STK32C: variants seen among roughly 807,000 people sequenced by gnomAD.
The protein encoded by STK32C is serine/threonine-protein kinase 32C.
Under a neutral mutation model 56.5 loss-of-function variants are expected in STK32C, and 31 were observed. The observed-to-expected ratio is 0.55, with a 90% CI of 0.41 to 0.74. The LOEUF (loss-of-function observed/expected upper bound fraction) is 0.74. Ranked by LOEUF, STK32C falls within the 30% of genes least tolerant of loss-of-function variation. The pLI is 0.00. For synonymous variants in STK32C, 309 were observed against 289.4 expected, an observed-to-expected ratio of 1.07 and a Z score of -0.69; for missense variants, 544 against 676.9, an observed-to-expected ratio of 0.80 and a Z score of 2.18.
intron 10 of STK32C, among the ~76,000 whole-genome samples, chr10:132,217,441 T>C (rs907243379): frequency 5.3e-5 from 8 of 152,192 alleles, no homozygotes; most frequent in Admixed American, 3.3e-4. Context: ...TTGTCTCAGA[T>C]GAGACATTGG....
At chr10:132,258,691 T>C (rs1276985447) in intron 1 of STK32C, among the ~76,000 whole-genome samples, 5 of 152,230 alleles carry the variant, frequency 3.3e-5, no homozygotes, top group Admixed American at 3.3e-4. Flanking sequence ...ACGCTGACGC[T>C]GTGAGGGCCA....
chr10:132,215,238 T>A (rs1218699932), intron 10 of STK32C, among the ~76,000 whole-genome samples: 3 of 152,140 alleles, frequency 2.0e-5, no homozygotes, highest in African/African-American at 7.2e-5. Flanking sequence ...GGTCTCAAAC[T>A]CCTGGACTCA....
chr10:132,307,819 G>T lies in STK32C; in HGVS notation c.15C>A (p.Ala5=). The T allele has an allele frequency of 9.4e-7, 1 of 1,066,294 alleles. No homozygotes were observed. The highest frequency in any genetic ancestry group is 2.6e-5 in the South Asian group (1 of 38,214). 66.1% of individuals were successfully genotyped at this position (1,066,294 alleles called of 1,614,324 possible). A position where few individuals can be genotyped will look rare whatever the true frequency, so the allele number is the denominator to read the frequency against. The change falls in exon 1 of 12, where the codon GCC becomes GCA. Residue 5 remains alanine (A), a synonymous_variant. Coordinates refer to ENST00000298630, the MANE Select transcript of STK32C (RefSeq NM_173575.4). This position sits in a 1 kb window ranked among gnomAD's most constrained non-coding sequence, Gnocchi z 4.4. ...CCGCGGCGCTGCTGCCCCTGCGCTC[G>T]GCGCCACTCCTCATCGCCGGGTCTG... MRSG[A]ERRGSSAAAS...
At chr10:132,230,332 G>C (rs963898487) in intron 2 of STK32C, among the ~76,000 whole-genome samples, 8 of 152,228 alleles carry the variant, frequency 5.3e-5, no homozygotes, top group Non-Finnish European at 1.0e-4. Flanking sequence ...GAGTCGCGTG[G>C]CTCGGCAGCA....
intron 1 of STK32C, among the ~76,000 whole-genome samples, chr10:132,298,631 C>CTGGGGAGTTGAG: frequency 6.6e-6 from 1 of 151,550 alleles, no homozygotes; most frequent in South Asian, 2.1e-4. Flanking sequence ...TGTGGGGTCA[C>CTGGGGAGTTGAG]CGGGGAGTTG....
intron 1 of STK32C, among the ~76,000 whole-genome samples, chr10:132,259,892 G>A (rs1425128369): frequency 2.0e-5 from 3 of 152,220 alleles, no homozygotes; most frequent in South Asian, 4.1e-4. Flanking sequence ...TGAAGGAACT[G>A]TGTGTTTTCA....
At position 132,307,522 on chromosome 10, in the gene STK32C, G is replaced by T; in HGVS notation, c.262+50C>A. On this transcript the variant is annotated intron_variant, in intron 1 of 11. Transcript: ENST00000298630. The surrounding 1 kb of genome is among the most constrained non-coding windows in gnomAD (Gnocchi z 4.4). ...GGGAAAAAGCCGCCCAGCCGCGCCC[G>T]CCCCTGCAATAGCGCGCGGCCCCCA... The T allele has an allele frequency of 6.7e-7, 1 of 1,502,450 alleles. No homozygotes were observed. 93.1% of individuals were successfully genotyped at this position (1,502,450 alleles called of 1,614,324 possible).
chr10:132,210,684 G>T (rs892428683), intron 10 of STK32C, among the ~76,000 whole-genome samples: 1 of 152,240 alleles, frequency 6.6e-6, no homozygotes, highest in Non-Finnish European at 1.5e-5. Context: ...CGTCACACTC[G>T]GACGTGCCCG....
rs765414370 is a variant in STK32C, at chr10:132,224,562, C to A, written c.877-39G>T. ...GGCAGTGCTGGGCAGGTCCTCCTGG[C>A]CCCCAGGACACCCAGAACAATGCCA... On this transcript the variant is annotated intron_variant, in intron 7 of 11. Coordinates refer to ENST00000298630, the MANE Select transcript of STK32C (RefSeq NM_173575.4). 2.1e-6 allele frequency: 3 copies of A among 1,463,354 alleles called. No homozygotes were observed. In the Admixed American group the frequency reaches 5.5e-5, roughly 27 times the overall value. 90.6% of individuals were successfully genotyped at this position (1,463,354 alleles called of 1,614,324 possible).
At chr10:132,224,359 G>T in intron 8 of STK32C, 48 bp downstream of exon 8, 1 of 1,380,470 alleles carries the variant, frequency 7.2e-7, no homozygotes, top group Non-Finnish European at 1.0e-6. Context: ...AAGTGAGGGA[G>T]GGAGGTGGGT....
At chr10:132,331,200 CA>C (rs35734065) in intron 1 of STK32C, among the ~76,000 whole-genome samples, 13,761 of 56,070 alleles carry the variant, frequency 0.25, 842 homozygotes, top group East Asian at 0.42. Flanking sequence ...GACTCCACCT[CA>C]AAAAAAAAAA....
intron 1 of STK32C, among the ~76,000 whole-genome samples, chr10:132,263,435 C>T (rs12769606): frequency 0.23 from 35,140 of 151,824 alleles, 4,852 homozygotes; most frequent in Non-Finnish European, 0.33. Flanking sequence ...ACCGGGACTG[C>T]GAGGCAGGGG....
At chr10:132,224,304 A>G in intron 8 of STK32C, 103 bp downstream of exon 8, 2 of 815,710 alleles carry the variant, frequency 2.5e-6, no homozygotes, top group Non-Finnish European at 4.0e-6. Context: ...CCTGCCAGGA[A>G]GCGGCACTAA....
At chr10:132,267,728 CCACATCG>C (rs1234823898) in intron 1 of STK32C, among the ~76,000 whole-genome samples, 18 of 109,172 alleles carry the variant, frequency 1.6e-4, no homozygotes, top group Admixed American at 2.0e-4. Flanking sequence ...CATGCATGTC[CCACATCG>C]TGTGTGTGTG....
rs960567186 is a variant in STK32C, at chr10:132,327,292, G to C, written c.302-2919C>G. Among the ~76,000 whole-genome samples, 8 of 152,250 alleles carry C rather than the reference G, an allele frequency of 5.3e-5. No homozygotes were observed. In the South Asian group the frequency reaches 1.7e-3, roughly 32 times the overall value. On this transcript the variant is annotated intron_variant, in intron 1 of 1. Transcript: ENST00000368619. ...CTGCCCTCCACGTAAGATGTGACTT[G>C]CTCCTCCTTACCTTCCACCATGATT...
intron 2 of STK32C, 59 bp downstream of exon 2, chr10:132,245,841 G>A (rs2063668298): frequency 6.5e-6 from 10 of 1,538,724 alleles, no homozygotes; most frequent in Admixed American, 1.7e-5. Context: ...CAGCATGTCC[G>A]ACTCCACGGT....
At chr10:132,326,740 C>T (rs1057149063) in intron 1 of STK32C, among the ~76,000 whole-genome samples, 41 of 152,264 alleles carry the variant, frequency 2.7e-4, no homozygotes, top group African/African-American at 9.6e-4. Context: ...GAAGCGCGCC[C>T]AGTCCTCCAC....
At chr10:132,321,740 G>T (rs140243316), downstream of STK32C, among the ~76,000 whole-genome samples, 1 of 152,194 alleles carries the variant, frequency 6.6e-6, no homozygotes, top group Non-Finnish European at 1.5e-5. Context: ...CAGGAGAATC[G>T]CTTGAACCTG....
At chr10:132,275,343 G>A (rs761043801) in intron 1 of STK32C, among the ~76,000 whole-genome samples, 12 of 152,226 alleles carry the variant, frequency 7.9e-5, no homozygotes, top group Non-Finnish European at 1.6e-4. Flanking sequence ...AAGGCTGGCA[G>A]GTGCAAGAGG....
Sources: gnomAD v4.1 joint callset for allele counts (sites outside exome capture counted in the v4.1 genomes callset) on GRCh38, gnomAD v4.1.1 for gene constraint, Gnocchi (gnomAD v3.1) non-coding constraint, MANE v1.5 for transcripts, NCBI Gene and HGNC (gene_info 2026-07-23, HGNC 2026-07-21) for gene names.